Variants in BCL7C observed in about 807,000 individuals in gnomAD.
The protein encoded by BCL7C is B-cell CLL/lymphoma 7 protein family member C.
Under a neutral mutation model 26.2 loss-of-function variants are expected in BCL7C, and 8 were observed. That is an observed-to-expected ratio of 0.30 (90% CI 0.18 to 0.55). The LOEUF (loss-of-function observed/expected upper bound fraction) is 0.55. Among genes scored for constraint, BCL7C ranks in the 20% least tolerant of loss-of-function variants. BCL7C has a pLI of 0.93. For synonymous variants in BCL7C, 90 were observed against 116.5 expected, an observed-to-expected ratio of 0.77 and a Z score of 1.47; for missense variants, 262 against 298.5, an observed-to-expected ratio of 0.88 and a Z score of 0.90.
intron 5 of BCL7C, chr16:30,875,958 T>C (rs1367728476): frequency 6.6e-6 from 1 of 152,168 alleles, no homozygotes; most frequent in East Asian, 1.9e-4. Context: ...CAAATCACAG[T>C]TAGAGCAAAT....
intron 5 of BCL7C, among the ~76,000 whole-genome samples, chr16:30,838,809 C>A (rs188929319): frequency 2.1e-3 from 324 of 152,206 alleles, no homozygotes; most frequent in South Asian, 6.4e-3. Flanking sequence ...ACAAAAAAAA[C>A]CCCCAAATAG....
At chr16:30,892,808 A>AGCCC in intron 3 of BCL7C, 32 bp downstream of exon 3, 1 of 1,613,844 alleles carries the variant, frequency 6.2e-7, no homozygotes, top group Non-Finnish European at 8.5e-7. Flanking sequence ...TTCAGTCCCC[A>AGCCC]CAGCCCCCCG....
chr16:30,850,018 G>A (rs1053936817), intron 5 of BCL7C, among the ~76,000 whole-genome samples: 19 of 151,636 alleles, frequency 1.3e-4, no homozygotes, highest in Non-Finnish European at 2.6e-4. Flanking sequence ...GACCATCCTG[G>A]CTAACACAGT....
intron 5 of BCL7C, chr16:30,852,368 AT>A (rs2054682899): frequency 6.6e-6 from 1 of 152,252 alleles, no homozygotes; most frequent in Admixed American, 6.5e-5. Flanking sequence ...CATTAAAAAA[AT>A]AAAGTGAGAA....
intron 5 of BCL7C, among the ~76,000 whole-genome samples, chr16:30,856,904 C>T (rs1010587800): frequency 6.6e-6 from 1 of 152,190 alleles, no homozygotes; most frequent in South Asian, 2.1e-4. Flanking sequence ...GCTTTGCTCT[C>T]TATTGGATAT....
In BCL7C at chr16:30,887,893, C is replaced by T. The variant is rs755702325; in HGVS notation, c.626G>A (p.Arg209His). The change falls in exon 6 of 6, where the codon CGC (arginine) becomes CAC (histidine). Residue 209 changes from arginine (R) to histidine (H), a missense_variant. Arg to His is a conservative substitution (Grantham distance 29). Transcript: ENST00000215115. ...GGGGTCAGGGGCATTTGGGCAGATGCGCTTGAGTGGGGGGGCACCCTCCGA... is the reference window on the plus strand; with the variant it reads ...GGGGTCAGGGGCATTTGGGCAGATGTGCTTGAGTGGGGGGGCACCCTCCGA... ...EDSEGAPPLKRICPNAPDP is the reference protein window; with the variant it reads ...EDSEGAPPLKHICPNAPDP The T allele has an allele frequency of 6.3e-6, 10 of 1,599,884 alleles. No homozygotes were observed. The highest frequency in any genetic ancestry group is 3.5e-5 in the Admixed American group (2 of 57,832).
At chr16:30,854,802 A>G (rs551198437) in intron 5 of BCL7C, among the ~76,000 whole-genome samples, 1 of 150,888 alleles carries the variant, frequency 6.6e-6, no homozygotes, top group East Asian at 2.0e-4. Flanking sequence ...CGTCTCCCAG[A>G]GCGATTCTCC....
At chr16:30,858,216 T>C (rs1396568578) in intron 5 of BCL7C, among the ~76,000 whole-genome samples, 3 of 152,138 alleles carry the variant, frequency 2.0e-5, no homozygotes, top group Non-Finnish European at 4.4e-5. Flanking sequence ...CCTGACTCCA[T>C]TGCCACAGTG....
downstream of BCL7C, among the ~76,000 whole-genome samples, chr16:30,884,947 G>T (rs1239222507): frequency 6.6e-6 from 1 of 152,112 alleles, no homozygotes; most frequent in South Asian, 2.1e-4. Context: ...CCACACAAGG[G>T]ACTTTCCCAT....
intron 5 of BCL7C, among the ~76,000 whole-genome samples, chr16:30,836,289 G>T (rs1390608607): frequency 6.6e-6 from 1 of 151,836 alleles, no homozygotes; most frequent in African/African-American, 2.4e-5. Context: ...CAGCCATAGC[G>T]AGATTCCATC....
intron 5 of BCL7C, among the ~76,000 whole-genome samples, chr16:30,861,217 G>A (rs989349107): frequency 6.6e-6 from 1 of 152,094 alleles, no homozygotes; most frequent in Non-Finnish European, 1.5e-5. Context: ...GATTCTGGCC[G>A]TCAAACCCTA....
At chr16:30,860,026 C>T (rs563678677) in intron 5 of BCL7C, among the ~76,000 whole-genome samples, 326 of 152,290 alleles carry the variant, frequency 2.1e-3, no homozygotes, top group Non-Finnish European at 3.0e-3. Context: ...ATTGGGTAAG[C>T]GGTCTTTTCA....
intron 5 of BCL7C, among the ~76,000 whole-genome samples, chr16:30,873,848 C>A (rs1276150361): frequency 6.9e-4 from 92 of 133,464 alleles, no homozygotes; most frequent in Non-Finnish European, 7.5e-4. Flanking sequence ...TACACTGTCT[C>A]AAAAAAAAAA....
intron 5 of BCL7C, among the ~76,000 whole-genome samples, chr16:30,878,808 A>G (rs1169224026): frequency 1.3e-5 from 2 of 151,270 alleles, no homozygotes; most frequent in African/African-American, 4.9e-5. Context: ...GTGCCACTGC[A>G]CTCCAGCCTG....
At chr16:30,872,705 A>G (rs1391075666) in intron 5 of BCL7C, among the ~76,000 whole-genome samples, 4 of 152,098 alleles carry the variant, frequency 2.6e-5, no homozygotes, top group Non-Finnish European at 4.4e-5. Flanking sequence ...CTGCTAGTCC[A>G]TTCCCCACCC....
chr16:30,864,969 T>C (rs1459688151), intron 5 of BCL7C, among the ~76,000 whole-genome samples: 1 of 151,252 alleles, frequency 6.6e-6, no homozygotes, highest in Non-Finnish European at 1.5e-5. Context: ...GAGATCGAGA[T>C]CATCCTGGCT....
At chr16:30,855,853 G>C (rs1052880463) in intron 5 of BCL7C, among the ~76,000 whole-genome samples, 1 of 151,398 alleles carries the variant, frequency 6.6e-6, no homozygotes, top group Non-Finnish European at 1.5e-5. Context: ...CTGAGGTCGG[G>C]AGTTCAAGAC....
At chr16:30,837,366 T>G (rs2054576420) in intron 5 of BCL7C, among the ~76,000 whole-genome samples, 1 of 152,162 alleles carries the variant, frequency 6.6e-6, no homozygotes. Context: ...GATAATAATT[T>G]TTTTTTGAGG....
At chr16:30,879,037 G>A (rs1174923237) in intron 5 of BCL7C, among the ~76,000 whole-genome samples, 1 of 152,152 alleles carries the variant, frequency 6.6e-6, no homozygotes, top group Non-Finnish European at 1.5e-5. Context: ...TTCTGTAGGA[G>A]GAACAGAATG....
Sources: gnomAD v4.1 joint callset for allele counts (sites outside exome capture counted in the v4.1 genomes callset) on GRCh38, gnomAD v4.1.1 for gene constraint, MANE v1.5 for transcripts, NCBI Gene and HGNC (gene_info 2026-07-23, HGNC 2026-07-21) for gene names.